FGFR3: variants seen among roughly 807,000 people sequenced by gnomAD.
The protein encoded by FGFR3 is FGFR-3.
In FGFR3, 25 loss-of-function variants were observed where a neutral mutation model predicts 82.9. The ratio of observed to expected loss-of-function variants is 0.30; its 90% CI spans 0.22 to 0.42. The LOEUF (loss-of-function observed/expected upper bound fraction) is 0.42, where lower values mean the gene tolerates loss of function less well. Ranked by LOEUF, FGFR3 falls within the 10% of genes least tolerant of loss-of-function variation. The pLI, the probability that FGFR3 is intolerant of heterozygous loss-of-function variation, is 1.00. For missense variants in FGFR3, 1,026 were observed against 1,161.0 expected, an observed-to-expected ratio of 0.88 and a Z score of 1.69; for synonymous variants, 620 against 516.0, an observed-to-expected ratio of 1.20 and a Z score of -2.73.
At chr4:1,798,971 G>A (rs1473777364) in intron 2 of FGFR3, among the ~76,000 whole-genome samples, 2 of 152,368 alleles carry the variant, frequency 1.3e-5, no homozygotes, top group Admixed American at 1.3e-4. Flanking sequence ...GTCCATGAGT[G>A]AAGCATCATG....
At chr4:1,800,805 G>T (rs1721088294) in intron 4 of FGFR3, among the ~76,000 whole-genome samples, 2 of 152,232 alleles carry the variant, frequency 1.3e-5, no homozygotes, top group Non-Finnish European at 2.9e-5. Flanking sequence ...CTGTGAGAGG[G>T]GTGGTGGGAG....
chr4:1,799,742 TGCAGAC>T lies in FGFR3; in HGVS notation c.380-2_383del. 2.5e-6 allele frequency: 4 copies of T among 1,612,790 alleles called. No individual in the cohort carries two copies. The highest frequency in any genetic ancestry group is 3.4e-6 in the Non-Finnish European group (4 of 1,179,890). On this transcript the variant is annotated splice_acceptor_variant and splice_polypyrimidine_tract_variant and coding_sequence_variant and intron_variant, in exon 4 of 18. Coordinates refer to ENST00000440486, the MANE Select transcript of FGFR3 (RefSeq NM_000142.5). LOFTEE classifies it high-confidence loss of function. ...GCATTGGTTGCGGCCATCTCTGCCTTGCAGACGCTCCATCCTCGGGAGATGACGAAG... is the reference window on the plus strand; with the variant it reads ...GCATTGGTTGCGGCCATCTCTGCCTTGCTCCATCCTCGGGAGATGACGAAG...
chr4:1,800,317 C>T (rs368012119), intron 4 of FGFR3, among the ~76,000 whole-genome samples: 9 of 151,476 alleles, frequency 5.9e-5, no homozygotes, highest in South Asian at 2.1e-4. Context: ...CCTGGCGTCC[C>T]GGCCTGGAAC....
intron 2 of FGFR3, among the ~76,000 whole-genome samples, chr4:1,797,686 C>G (rs940643096): frequency 6.6e-6 from 1 of 152,194 alleles, no homozygotes; most frequent in Non-Finnish European, 1.5e-5. Context: ...TGGCCAGGAC[C>G]GGAGGGCTGG....
At position 1,799,095 on chromosome 4, in the gene FGFR3, G is replaced by A. The variant is rs76067357; in HGVS notation, c.110-159G>A. Among the ~76,000 whole-genome samples, 582 of 152,272 alleles carry A rather than the reference G, an allele frequency of 3.8e-3. 6 individuals carry two copies. Among genetic ancestry groups the A allele is most frequent in the African/African-American group, 0.013 (559 of 41,554 alleles). ...GGCAAAGCTGAAGATAGAGACCTTT[G>A]GCCCTTTTGGGACACAGTTTCCAGC... On this transcript the variant is annotated intron_variant, in intron 2 of 17. Coordinates refer to ENST00000440486, the MANE Select transcript of FGFR3 (RefSeq NM_000142.5).
intron 2 of FGFR3, among the ~76,000 whole-genome samples, chr4:1,798,343 C>T (rs1444816286): frequency 6.6e-6 from 1 of 152,036 alleles, no homozygotes; most frequent in Non-Finnish European, 1.5e-5. Context: ...CTGCAGGCAG[C>T]AGGACTCCAC....
At chr4:1,802,588 C>T (rs1486217327) in intron 7 of FGFR3, among the ~76,000 whole-genome samples, 2 of 152,190 alleles carry the variant, frequency 1.3e-5, no homozygotes, top group Non-Finnish European at 2.9e-5. Flanking sequence ...GGGGAGCAGG[C>T]GCAGGGCGAG....
In FGFR3 at chr4:1,804,879, C is replaced by G; in HGVS notation, c.1322C>G (p.Ala441Gly). Residue 441 changes from alanine (A) to glycine (G), a missense_variant, in exon 10 of 18, where the codon GCA becomes GGA. Physicochemically the swap from Ala to Gly is moderately conservative, Grantham distance 60. This residue lies in a region of FGFR3 where 256 missense variants were observed against 217.6 expected (regional missense o/e 1.18). Coordinates refer to ENST00000440486, the MANE Select transcript of FGFR3 (RefSeq NM_000142.5). ...MSSNTPLVRI[A>G]RLSSGEGPTL... ...TCCAACACACCACTGGTGCGCATCG[C>G]AAGGCTGTCCTCAGGGGAGGGCCCC... The G allele has an allele frequency of 6.5e-7, 1 of 1,550,144 alleles. No homozygotes were observed. Among genetic ancestry groups the G allele is most frequent in the Non-Finnish European group, 8.7e-7 (1 of 1,146,940 alleles).
chr4:1,807,455 C>T lies in FGFR3; in HGVS notation c.*193C>T, dbSNP rs766564331. 9 of 876,332 alleles carry T rather than the reference C, an allele frequency of 1.0e-5. No homozygotes were observed. The highest frequency in any genetic ancestry group is 2.3e-4 in the Middle Eastern group (1 of 4,354). 54.3% of individuals were successfully genotyped at this position (876,332 alleles called of 1,614,324 possible). On this transcript the variant is annotated 3_prime_UTR_variant, in exon 18 of 18. Coordinates refer to ENST00000440486, the MANE Select transcript of FGFR3 (RefSeq NM_000142.5). ...TGTGCCTGTGTGCGTGCGCATCTTG[C>T]CTCCAGGTGCAGAGGTACCCTGGGT...
At chr4:1,802,994 C>T (rs748962493) in intron 7 of FGFR3, 9 of 1,599,588 alleles carry the variant, frequency 5.6e-6, no homozygotes, top group East Asian at 2.3e-5. Flanking sequence ...GCGAGTACCT[C>T]TGTCGAGCCA....
Position 1,807,652 on chromosome 4 carries a change from AG to A in FGFR3, c.*393del. The stretch of plus-strand genomic sequence containing the variant: ...CTGCCTTTGCACCACGGGACATCAC[AG>A]GGTGGGCCTCGGCCCCTCCCACACC... On this transcript the variant is annotated 3_prime_UTR_variant, in exon 18 of 18. Transcript: ENST00000440486. The A allele has an allele frequency of 1.6e-6, 1 of 631,498 alleles. No homozygotes were observed. Among genetic ancestry groups the A allele is most frequent in the Non-Finnish European group, 3.0e-6 (1 of 331,586 alleles). The allele number at this position is 631,498 out of a possible 1,614,324, so 39.1% of individuals were successfully genotyped here.
rs941076722 is a variant in FGFR3, at chr4:1,808,518, A to G, written c.*1256A>G. On this transcript the variant is annotated 3_prime_UTR_variant, in exon 18 of 18. Coordinates refer to ENST00000440486, the MANE Select transcript of FGFR3 (RefSeq NM_000142.5). ...GGCCCTGTGTGCAGGTTCCGATGTT[A>G]TTAGATGTTACAAGTTTATATATAT... 1 of 230,562 alleles carries G rather than the reference A, an allele frequency of 4.3e-6. No homozygotes were observed. Among genetic ancestry groups the G allele is most frequent in the African/African-American group, 2.2e-5 (1 of 45,034 alleles). 14.3% of individuals were successfully genotyped at this position (230,562 alleles called of 1,614,324 possible).
Position 1,799,769 on chromosome 4 carries a change from C to T in FGFR3, c.402C>T (p.Asp134=), listed in dbSNP as rs199792768. The T allele has an allele frequency of 8.7e-6, 14 of 1,613,012 alleles. No homozygotes were observed. The East Asian group carries it at 2.0e-4, about 23-fold the overall frequency. ...RVTDAPSSGD[D]EDGEDEAEDT... ...CAGACGCTCCATCCTCGGGAGATGA[C>T]GAAGACGGGGAGGACGAGGCTGAGG... The change falls in exon 4 of 18, where the codon GAC becomes GAT. Residue 134 remains aspartate (D), a synonymous_variant. Coordinates refer to ENST00000440486, the MANE Select transcript of FGFR3 (RefSeq NM_000142.5).
At position 1,807,128 on chromosome 4, in the gene FGFR3, C is replaced by T. The variant is rs774517056; in HGVS notation, c.2287C>T (p.Leu763=). 1 of 1,586,928 alleles carries T rather than the reference C, an allele frequency of 6.3e-7. No homozygotes were observed. The change falls in exon 18 of 18, where the codon CTG becomes TTG. Residue 763 remains leucine (L), a synonymous_variant. Coordinates refer to ENST00000440486, the MANE Select transcript of FGFR3 (RefSeq NM_000142.5). ...TVTSTDEYLD[L]SAPFEQYSPG... The stretch of plus-strand genomic sequence containing the variant: ...CTCCCGCCAGCAGGAGTACCTGGAC[C>T]TGTCGGCGCCTTTCGAGCAGTACTC...
At chr4:1,806,379 G>A (rs2108809881) in intron 15 of FGFR3, 52 bp downstream of exon 15, 1 of 1,608,684 alleles carries the variant, frequency 6.2e-7, no homozygotes, top group Non-Finnish European at 8.5e-7. Flanking sequence ...GAACTGGGCA[G>A]AGCCAGGACC....
chr4:1,803,420 C>T (rs953145557), intron 7 of FGFR3, among the ~76,000 whole-genome samples: 3 of 152,220 alleles, frequency 2.0e-5, no homozygotes, highest in African/African-American at 2.4e-5. Flanking sequence ...CACCTGCACC[C>T]GCCCGGCTCT....
chr4:1,799,907 C>T lies in FGFR3; in HGVS notation c.445+95C>T, dbSNP rs868578581. 2.9e-5 allele frequency: 40 copies of T among 1,395,694 alleles called. No homozygotes were observed. In the Middle Eastern group the frequency reaches 6.1e-4, roughly 21 times the overall value. The allele number at this position is 1,395,694 out of a possible 1,614,324, so 86.5% of individuals were successfully genotyped here. A position where few individuals can be genotyped will look rare whatever the true frequency, so the allele number is the denominator to read the frequency against. Reference sequence around the variant, plus strand: ...ACAGGCAGCTGAGGGACTAAGGCCCCGGAACAACCTCCCTGGGGTCACCCC... The same window carrying T: ...ACAGGCAGCTGAGGGACTAAGGCCCTGGAACAACCTCCCTGGGGTCACCCC... On this transcript the variant is annotated intron_variant, in intron 4 of 17. Transcript: ENST00000440486.
At chr4:1,802,121 A>G (rs1004675855) in intron 7 of FGFR3, 96 bp downstream of exon 7, 3 of 1,368,416 alleles carry the variant, frequency 2.2e-6, no homozygotes, top group Admixed American at 4.0e-5. Flanking sequence ...ATTTGGGTCT[A>G]GGGGTTGGAG....
At chr4:1,804,250 G>A (rs1721571181) in intron 8 of FGFR3, 80 bp from the exon 9 acceptor site, 1 of 1,486,094 alleles carries the variant, frequency 6.7e-7, no homozygotes, top group Non-Finnish European at 9.0e-7. Flanking sequence ...AGTGGTGCCT[G>A]CGGCTCTGGG....
Sources: gnomAD v4.1 joint callset for allele counts (sites outside exome capture counted in the v4.1 genomes callset) on GRCh38, gnomAD v4.1.1 for gene constraint, gnomAD v4.1.1 regional missense constraint, MANE v1.5 for transcripts, NCBI Gene and HGNC (gene_info 2026-07-23, HGNC 2026-07-21) for gene names.